EXOC6B: variants seen among roughly 807,000 people sequenced by gnomAD.
EXOC6B encodes the protein SEC15 homolog B.
EXOC6B carries 54 observed loss-of-function variants against 113.5 expected under a neutral mutation model. The ratio of observed to expected loss-of-function variants is 0.48; its 90% CI spans 0.38 to 0.60. The LOEUF is 0.60. EXOC6B is among the 20% of genes least tolerant of loss of function. EXOC6B has a pLI of 0.00. For synonymous variants in EXOC6B, 357 were observed against 339.0 expected (o/e 1.05, Z -0.58); for missense variants, 797 against 977.5 (o/e 0.82, Z 2.46).
At chr2:72,724,029 T>C (rs912311468) in intron 5 of EXOC6B, among the ~76,000 whole-genome samples, 2 of 152,236 alleles carry the variant, frequency 1.3e-5, no homozygotes, top group Non-Finnish European at 2.9e-5. Flanking sequence ...GAATCAGTGA[T>C]AGTAGCTCAG....
chr2:72,534,933 T>C (rs756537716), intron 8 of EXOC6B, among the ~76,000 whole-genome samples: 1 of 152,324 alleles, frequency 6.6e-6, no homozygotes, highest in South Asian at 2.1e-4. Context: ...GGTTTCCTTC[T>C]AAAACTCTCC....
chr2:72,281,977 A>T (rs1017066273), intron 20 of EXOC6B, among the ~76,000 whole-genome samples: 2 of 152,138 alleles, frequency 1.3e-5, no homozygotes, highest in African/African-American at 4.8e-5. Context: ...CCAGAAGACA[A>T]TGGAACTACA....
chr2:72,191,329 T>C (rs1678818052), intron 20 of EXOC6B, among the ~76,000 whole-genome samples: 1 of 152,204 alleles, frequency 6.6e-6, no homozygotes, highest in Non-Finnish European at 1.5e-5. Context: ...AAAATTCCCT[T>C]AGCTTAGAAA....
chr2:72,391,029 T>A (rs1219214657), intron 18 of EXOC6B, among the ~76,000 whole-genome samples: 1 of 152,224 alleles, frequency 6.6e-6, no homozygotes, highest in Non-Finnish European at 1.5e-5. Context: ...ACTCCAGTCG[T>A]TGTCTTCTTA....
intron 20 of EXOC6B, among the ~76,000 whole-genome samples, chr2:72,211,217 T>C (rs1301776192): frequency 6.6e-6 from 1 of 152,160 alleles, no homozygotes; most frequent in Non-Finnish European, 1.5e-5. Flanking sequence ...CAGGTGATCC[T>C]AGAAAGTCAT....
intron 16 of EXOC6B, among the ~76,000 whole-genome samples, chr2:72,481,819 C>G (rs944885918): frequency 5.9e-5 from 9 of 151,554 alleles, no homozygotes; most frequent in Admixed American, 6.6e-5. Flanking sequence ...AAAGACAGTA[C>G]TGGTTAAAAA....
chr2:72,452,019 A>G (rs1696950990), intron 18 of EXOC6B, among the ~76,000 whole-genome samples: 1 of 152,102 alleles, frequency 6.6e-6, no homozygotes, highest in Admixed American at 6.5e-5. Context: ...CCTGACACCA[A>G]TTTGCAGGCT....
At position 72,392,836 on chromosome 2, in the gene EXOC6B, A is replaced by T. The variant is rs555289811; in HGVS notation, c.1981-12966T>A. Reference sequence around the variant, plus strand: ...TGCCCTTACTCTGAAAGGACCTTATACTTAATCCCTGTGTATGACCTCATT... The same window carrying T: ...TGCCCTTACTCTGAAAGGACCTTATTCTTAATCCCTGTGTATGACCTCATT... On this transcript the variant is annotated intron_variant, in intron 18 of 21. Transcript: ENST00000272427. Among the ~76,000 whole-genome samples, 6 of 152,122 alleles carry T rather than the reference A, an allele frequency of 3.9e-5. No homozygotes were observed. In the South Asian group the frequency reaches 1.0e-3, roughly 26 times the overall value.
intron 1 of EXOC6B, among the ~76,000 whole-genome samples, chr2:72,770,362 C>A (rs188987581): frequency 6.6e-6 from 1 of 152,240 alleles, no homozygotes. Context: ...GGTCTACAAT[C>A]CCTAATCGAA....
chr2:72,244,330 G>A (rs560646195), intron 20 of EXOC6B, among the ~76,000 whole-genome samples: 1 of 152,064 alleles, frequency 6.6e-6, no homozygotes, highest in South Asian at 2.1e-4. Context: ...TCATGTCAAG[G>A]GGAATTAAAT....
chr2:72,622,466 C>A (rs1334853113), intron 6 of EXOC6B, among the ~76,000 whole-genome samples: 1 of 152,176 alleles, frequency 6.6e-6, no homozygotes, highest in Non-Finnish European at 1.5e-5. Flanking sequence ...ATAATCCCAG[C>A]ACTTTGGAAG....
At chr2:72,436,707 T>C (rs1276565483) in intron 18 of EXOC6B, among the ~76,000 whole-genome samples, 2 of 152,148 alleles carry the variant, frequency 1.3e-5, no homozygotes, top group African/African-American at 4.8e-5. Flanking sequence ...ATGATTCTTG[T>C]GTATGCTTCA....
chr2:72,465,469 A>G, intron 17 of EXOC6B, 130 bp from the exon 18 acceptor site: 1 of 664,358 alleles, frequency 1.5e-6, no homozygotes, highest in Non-Finnish European at 2.4e-6. Context: ...AGCCATACAT[A>G]TCACAGTCTT....
chr2:72,574,290 TA>T (rs1422586693), intron 7 of EXOC6B, among the ~76,000 whole-genome samples: 3 of 152,056 alleles, frequency 2.0e-5, no homozygotes, highest in Non-Finnish European at 4.4e-5. Context: ...GAGGCAGGCA[TA>T]ATGACAATAG....
intron 6 of EXOC6B, among the ~76,000 whole-genome samples, chr2:72,621,865 C>A (rs1444841849): frequency 6.6e-6 from 1 of 152,036 alleles, no homozygotes; most frequent in Non-Finnish European, 1.5e-5. Context: ...CCTGGAAAAG[C>A]ATTGTCGGAT....
At chr2:72,655,315 G>T (rs1674497643) in intron 6 of EXOC6B, among the ~76,000 whole-genome samples, 1 of 151,922 alleles carries the variant, frequency 6.6e-6, no homozygotes, top group South Asian at 2.1e-4. Context: ...AAACTGTCAA[G>T]AATTTTTTTA....
At chr2:72,235,781 G>A (rs1022996671) in intron 20 of EXOC6B, among the ~76,000 whole-genome samples, 1 of 151,954 alleles carries the variant, frequency 6.6e-6, no homozygotes, top group Non-Finnish European at 1.5e-5. Context: ...GGTCCTTGGT[G>A]TCTCGGTAGC....
At chr2:72,646,238 A>C (rs2104377075) in intron 6 of EXOC6B, among the ~76,000 whole-genome samples, 1 of 152,234 alleles carries the variant, frequency 6.6e-6, no homozygotes, top group Non-Finnish European at 1.5e-5. Flanking sequence ...CCAAGACTAA[A>C]CCAGGAAGAA....
At chr2:72,585,392 G>A (rs572596245) in intron 6 of EXOC6B, among the ~76,000 whole-genome samples, 1 of 152,252 alleles carries the variant, frequency 6.6e-6, no homozygotes, top group East Asian at 1.9e-4. Flanking sequence ...GAGGTCAGGA[G>A]TTTGAGACCA....
Sources: gnomAD v4.1 joint callset for allele counts (sites outside exome capture counted in the v4.1 genomes callset) on GRCh38, gnomAD v4.1.1 for gene constraint, MANE v1.5 for transcripts, NCBI Gene and HGNC (gene_info 2026-07-23, HGNC 2026-07-21) for gene names.